Variants in JADE3 observed in about 807,000 individuals in gnomAD.
JADE3 encodes the protein jade family PHD finger 3, also known as protein Jade-3.
JADE3 carries 2 observed loss-of-function variants against 50.1 expected under a neutral mutation model. The ratio of observed to expected loss-of-function variants is 0.04; its 90% CI spans 0.02 to 0.13. The LOEUF (loss-of-function observed/expected upper bound fraction) is 0.13. Among genes scored for constraint, JADE3 ranks in the 10% least tolerant of loss-of-function variants. The probability of loss-of-function intolerance (pLI) is 1.00; values close to 1 mark genes in which losing one functional copy is unlikely to be tolerated. For missense variants in JADE3, 475 were observed against 634.4 expected (o/e 0.75, Z 2.70); for synonymous variants, 218 against 232.9 (o/e 0.94, Z 0.58).
chrX:46,917,636 A>G lies in JADE3; in HGVS notation c.-12+4917A>G, dbSNP rs184863218. Among the ~76,000 whole-genome samples, 5 of 111,053 alleles carry G rather than the reference A, an allele frequency of 4.5e-5. No individual in the cohort carries two copies. The East Asian group carries it at 1.4e-3, about 32-fold the overall frequency. ...ACTGAGGTGGAAGAGAGATGTGGAA[A>G]GGATCCACAGAGGTTTGGCTAGGAC... On this transcript the variant is annotated intron_variant, in intron 1 of 10. Coordinates refer to ENST00000614628, the MANE Select transcript of JADE3 (RefSeq NM_014735.5).
intron 1 of JADE3, among the ~76,000 whole-genome samples, chrX:46,943,680 T>C (rs1022759496): frequency 1.8e-5 from 2 of 111,717 alleles, no homozygotes; most frequent in Non-Finnish European, 3.8e-5. Flanking sequence ...TTTTCTTTTG[T>C]TTTGCCTTTG....
intron 1 of JADE3, among the ~76,000 whole-genome samples, chrX:46,913,495 TAAC>T (rs1435236684): frequency 5.4e-5 from 6 of 112,011 alleles, no homozygotes; most frequent in Non-Finnish European, 1.1e-4. Flanking sequence ...ACGGCAAAGT[TAAC>T]TTTTCTCCAG....
chrX:46,950,840 A>G (rs889313370), intron 1 of JADE3, among the ~76,000 whole-genome samples: 1 of 111,341 alleles, frequency 9.0e-6, no homozygotes, highest in Non-Finnish European at 1.9e-5. Context: ...AGTTAGGTCA[A>G]TTTTTAAAAT....
chrX:47,038,423 A>G (rs914840038), intron 7 of JADE3, among the ~76,000 whole-genome samples: 5 of 111,397 alleles, frequency 4.5e-5, no homozygotes, highest in Non-Finnish European at 9.4e-5. Context: ...CCAACAGTGT[A>G]TAAACATTTC....
chrX:47,025,736 T>C (rs782596105), intron 5 of JADE3, among the ~76,000 whole-genome samples: 1 of 112,093 alleles, frequency 8.9e-6, no homozygotes, highest in Non-Finnish European at 1.9e-5. Context: ...GATCTGTGGG[T>C]AGTTTTTAAG....
chrX:47,055,240 G>T (rs542865188), intron 9 of JADE3, among the ~76,000 whole-genome samples: 3 of 111,473 alleles, frequency 2.7e-5, no homozygotes, highest in African/African-American at 9.8e-5. Context: ...TATTTATCAG[G>T]TATCTACTAA....
At chrX:47,036,223 A>G (rs193228805) in intron 7 of JADE3, among the ~76,000 whole-genome samples, 25 of 111,417 alleles carry the variant, frequency 2.2e-4, no homozygotes, top group African/African-American at 8.2e-4. Flanking sequence ...AGTTCATTGT[A>G]GATTCTGGAT....
intron 1 of JADE3, among the ~76,000 whole-genome samples, chrX:46,959,521 A>G (rs1927210391): frequency 8.9e-6 from 1 of 111,839 alleles, no homozygotes; most frequent in Non-Finnish European, 1.9e-5. Flanking sequence ...TGTGTAAGGA[A>G]ATGGACTTTA....
At chrX:47,052,194 A>G (rs1369438642) in intron 8 of JADE3, among the ~76,000 whole-genome samples, 1 of 110,668 alleles carries the variant, frequency 9.0e-6, no homozygotes, top group Non-Finnish European at 1.9e-5. Context: ...GTCATGGGCC[A>G]GGTCCTTCCC....
intron 4 of JADE3, among the ~76,000 whole-genome samples, chrX:47,001,808 C>A (rs1928294961): frequency 8.9e-6 from 1 of 111,782 alleles, no homozygotes; most frequent in Non-Finnish European, 1.9e-5. Context: ...TATTTAGATA[C>A]CCCATGGTAT....
intron 3 of JADE3, among the ~76,000 whole-genome samples, chrX:46,994,435 AC>A (rs1928080159): frequency 8.9e-6 from 1 of 112,260 alleles, no homozygotes; most frequent in Non-Finnish European, 1.9e-5. Context: ...TGGGAAAACT[AC>A]CAGTGCATAT....
chrX:47,058,437 A>G lies in JADE3; in HGVS notation c.1832A>G (p.His611Arg). The change falls in exon 11 of 11, where the codon CAT (histidine) becomes CGT (arginine). Residue 611 changes from histidine to arginine, a missense_variant. Coordinates refer to ENST00000614628, the MANE Select transcript of JADE3 (RefSeq NM_014735.5). ...AACCGTTTGCTGGCCAGTCTCAGCC[A>G]TTCTAGGAGTGAAGCAAAGGAGTCC... Reference protein sequence around the residue: ...KNNRLLASLSHSRSEAKESSP... With the variant: ...KNNRLLASLSRSRSEAKESSP... The G allele has an allele frequency of 8.3e-7, 1 of 1,211,720 alleles. No homozygotes were observed. Among genetic ancestry groups the G allele is most frequent in the Non-Finnish European group, 1.1e-6 (1 of 895,474 alleles).
chrX:47,025,186 T>A (rs1438613936), intron 5 of JADE3, among the ~76,000 whole-genome samples: 1 of 112,193 alleles, frequency 8.9e-6, no homozygotes, highest in Admixed American at 9.5e-5. Flanking sequence ...TGAAGTTGTT[T>A]CCCAATTCAG....
chrX:46,924,223 C>G (rs1321773855), intron 1 of JADE3, among the ~76,000 whole-genome samples: 2 of 111,838 alleles, frequency 1.8e-5, no homozygotes, highest in South Asian at 3.8e-4. Flanking sequence ...CTGTGAGAGC[C>G]TGGTGGAATT....
rs1438224189 is a variant in JADE3 at position 47,060,711 on chromosome X, G to A, written c.*1634G>A. The A allele has an allele frequency of 8.9e-6, 1 of 112,038 alleles. No individual in the cohort carries two copies. Among genetic ancestry groups the A allele is most frequent in the African/African-American group, 3.2e-5 (1 of 30,788 alleles). 9.2% of individuals were successfully genotyped at this position (112,038 alleles called of 1,213,427 possible). On this transcript the variant is annotated 3_prime_UTR_variant, in exon 11 of 11. Coordinates refer to ENST00000614628, the MANE Select transcript of JADE3 (RefSeq NM_014735.5). ...GGTAGGTGTCCTGTATTTTGTTTGG[G>A]AAAAAAACTATCAAAATGAGGAAGA...
At chrX:46,971,794 TAAAA>T (rs782105404) in intron 1 of JADE3, among the ~76,000 whole-genome samples, 13 of 85,521 alleles carry the variant, frequency 1.5e-4, no homozygotes, top group African/African-American at 4.3e-4. Flanking sequence ...AGACTCCGTC[TAAAA>T]AAAAAAAAAA....
At chrX:46,913,211 G>T (rs1556335518) in intron 1 of JADE3, among the ~76,000 whole-genome samples, 1 of 111,210 alleles carries the variant, frequency 9.0e-6, no homozygotes. Context: ...GCGAGGGCGC[G>T]CCCTGGCTGT....
At position 46,953,276 on chromosome X, in the gene JADE3, C is replaced by T. The variant is rs1467314781; in HGVS notation, c.-11-31608C>T. On this transcript the variant is annotated intron_variant, in intron 1 of 10. Coordinates refer to ENST00000614628, the MANE Select transcript of JADE3 (RefSeq NM_014735.5). ...TTAGTAGTTCCCTTTTCCAAAAAAGCACCTTGAACCAGAACATGTGCTCTA... is the reference window on the plus strand; with the variant it reads ...TTAGTAGTTCCCTTTTCCAAAAAAGTACCTTGAACCAGAACATGTGCTCTA... Among the ~76,000 whole-genome samples the T allele has an allele frequency of 5.7e-5, 5 of 88,030 alleles. 1 individual carries two copies. Among genetic ancestry groups the T allele is most frequent in the Non-Finnish European group, 8.3e-5 (4 of 48,384 alleles). The allele number at this position is 88,030 out of a possible 115,157, so 76.4% of individuals were successfully genotyped here. A position where few individuals can be genotyped will look rare whatever the true frequency, so the allele number is the denominator to read the frequency against.
chrX:47,043,839 GAAAT>G (rs1929319668), intron 8 of JADE3, among the ~76,000 whole-genome samples: 1 of 107,200 alleles, frequency 9.3e-6, no homozygotes, highest in Non-Finnish European at 1.9e-5. Context: ...AAAAAAGAAA[GAAAT>G]AATGGAAAAG....
Sources: gnomAD v4.1 joint callset for allele counts (sites outside exome capture counted in the v4.1 genomes callset) on GRCh38, gnomAD v4.1.1 for gene constraint, MANE v1.5 for transcripts, NCBI Gene and HGNC (gene_info 2026-07-23, HGNC 2026-07-21) for gene names.